The following BCL2 variants were observed in gnomAD, a reference collection of about 807,000 sequenced individuals.
BCL2 encodes apoptosis regulator Bcl-2.
BCL2 carries 1 observed loss-of-function variant against 14.2 expected under a neutral mutation model. That is an observed-to-expected ratio of 0.07 (90% CI 0.02 to 0.33). BCL2 has a LOEUF of 0.33. BCL2 is among the 10% of genes least tolerant of loss of function. The pLI is 0.99. For synonymous variants in BCL2, 151 were observed against 137.2 expected, an observed-to-expected ratio of 1.10 and a Z score of -0.70; for missense variants, 247 against 305.9, an observed-to-expected ratio of 0.81 and a Z score of 1.44.
intron 2 of BCL2, among the ~76,000 whole-genome samples, chr18:63,211,925 C>T (rs1052982514): frequency 3.9e-5 from 6 of 152,190 alleles, no homozygotes; most frequent in Non-Finnish European, 7.3e-5. Context: ...TCAGGTTTCG[C>T]CAGAAATGCA....
intron 2 of BCL2, among the ~76,000 whole-genome samples, chr18:63,307,020 C>CA (rs1288039485): frequency 6.6e-6 from 1 of 152,062 alleles, no homozygotes; most frequent in Non-Finnish European, 1.5e-5. Context: ...GGGCCTGGCT[C>CA]AATATTTTTT....
intron 2 of BCL2, among the ~76,000 whole-genome samples, chr18:63,304,842 A>G (rs1836719764): frequency 6.6e-6 from 1 of 152,250 alleles, no homozygotes; most frequent in Non-Finnish European, 1.5e-5. Context: ...TTTGAAAATA[A>G]TAAATAAGGA....
chr18:63,238,301 C>A (rs987075505), intron 2 of BCL2, among the ~76,000 whole-genome samples: 8 of 152,170 alleles, frequency 5.3e-5, no homozygotes, highest in African/African-American at 1.4e-4. Context: ...TGGGCAGAAA[C>A]CGAGTGAGTT....
At chr18:63,293,960 C>CTTT (rs397698226) in intron 2 of BCL2, among the ~76,000 whole-genome samples, 2 of 147,858 alleles carry the variant, frequency 1.4e-5, no homozygotes, top group Admixed American at 6.7e-5. Context: ...CTTTTTTTCT[C>CTTT]TTTTTTTTTT....
chr18:63,129,214 C>A (rs1174836767), intron 2 of BCL2, among the ~76,000 whole-genome samples: 1 of 152,116 alleles, frequency 6.6e-6, no homozygotes, highest in African/African-American at 2.4e-5. Context: ...ATGACCGTCA[C>A]ACTCCTCGAT....
chr18:63,238,999 C>G (rs535547552), intron 2 of BCL2, among the ~76,000 whole-genome samples: 52 of 152,116 alleles, frequency 3.4e-4, no homozygotes, highest in Non-Finnish European at 6.9e-4. Context: ...CCTGCTACTC[C>G]GGGTAGGGGA....
chr18:63,217,193 T>C (rs1029193495), intron 2 of BCL2, among the ~76,000 whole-genome samples: 5 of 152,220 alleles, frequency 3.3e-5, no homozygotes, highest in African/African-American at 1.2e-4. Flanking sequence ...GTAATGCAAT[T>C]CATGCATTGC....
At chr18:63,210,308 C>T (rs1020519960) in intron 2 of BCL2, among the ~76,000 whole-genome samples, 3 of 152,146 alleles carry the variant, frequency 2.0e-5, no homozygotes, top group African/African-American at 7.2e-5. Context: ...TGGAAGATCT[C>T]AGGGCTCACC....
intron 2 of BCL2, among the ~76,000 whole-genome samples, chr18:63,134,333 CA>C (rs1251961794): frequency 1.3e-5 from 2 of 152,110 alleles, no homozygotes; most frequent in South Asian, 2.1e-4. Context: ...ATTTGACAGA[CA>C]AAAATGCTGG....
At chr18:63,136,090 G>T (rs757625819) in intron 2 of BCL2, among the ~76,000 whole-genome samples, 6 of 152,026 alleles carry the variant, frequency 3.9e-5, no homozygotes, top group Admixed American at 6.6e-5. Flanking sequence ...TCCCTCAGGG[G>T]CACCTCCTCC....
At chr18:63,284,947 G>A (rs1227944933) in intron 2 of BCL2, among the ~76,000 whole-genome samples, 1 of 152,176 alleles carries the variant, frequency 6.6e-6, no homozygotes, top group Non-Finnish European at 1.5e-5. Flanking sequence ...AGCAAGGGCA[G>A]ACGCCAGGAA....
intron 2 of BCL2, among the ~76,000 whole-genome samples, chr18:63,286,335 T>G (rs900132591): frequency 6.6e-6 from 1 of 152,176 alleles, no homozygotes; most frequent in Non-Finnish European, 1.5e-5. Flanking sequence ...TGAATAATTA[T>G]GATACAAAAC....
intron 2 of BCL2, among the ~76,000 whole-genome samples, chr18:63,308,960 A>G (rs2849382): frequency 0.1 from 15,837 of 152,232 alleles, 1,062 homozygotes; most frequent in East Asian, 0.25. Flanking sequence ...GGAAGTCTCA[A>G]TGAGAAAGGA....
Position 63,127,308 on chromosome 18 carries a change from G to A in BCL2, c.*1317C>T, listed in dbSNP as rs979178137. ...CGTGCCATGTGCTACAGCCAAAATG[G>A]GCCGTGGCCATTGCCTCTCCTCACG... On this transcript the variant is annotated 3_prime_UTR_variant, in exon 3 of 3. Transcript: ENST00000333681. The A allele has an allele frequency of 7.8e-5, 18 of 231,762 alleles. No individual in the cohort carries two copies. Among genetic ancestry groups the A allele is most frequent in the East Asian group, 7.3e-4 (12 of 16,504 alleles). 14.4% of individuals were successfully genotyped at this position (231,762 alleles called of 1,614,324 possible). A position where few individuals can be genotyped will look rare whatever the true frequency, so the allele number is the denominator to read the frequency against.
chr18:63,266,626 C>G (rs1263791643), intron 2 of BCL2, among the ~76,000 whole-genome samples: 3 of 150,252 alleles, frequency 2.0e-5, no homozygotes, highest in Admixed American at 6.7e-5. Context: ...CTCTCTCTCT[C>G]TCTCTCTCTC....
Position 63,124,312 on chromosome 18 carries a change from G to A in BCL2, c.*4313C>T, listed in dbSNP as rs886845642. ...AAGGTTGTCATTAAATATCCTGTTA[G>A]TTAAAACTGCACATTTATTGTTTAA... On this transcript the variant is annotated 3_prime_UTR_variant, in exon 3 of 3. Coordinates refer to ENST00000333681, the MANE Select transcript of BCL2 (RefSeq NM_000633.3). 2 of 228,788 alleles carry A rather than the reference G, an allele frequency of 8.7e-6. No individual in the cohort carries two copies. Among genetic ancestry groups the A allele is most frequent in the Non-Finnish European group, 1.7e-5 (2 of 115,324 alleles). 14.2% of individuals were successfully genotyped at this position (228,788 alleles called of 1,614,324 possible). A position where few individuals can be genotyped will look rare whatever the true frequency, so the allele number is the denominator to read the frequency against.
At chr18:63,259,666 C>G (rs1443781002) in intron 2 of BCL2, among the ~76,000 whole-genome samples, 1 of 152,254 alleles carries the variant, frequency 6.6e-6, no homozygotes, top group Non-Finnish European at 1.5e-5. Context: ...ACGTGGTTAT[C>G]AGACGTCTAG....
At position 63,128,073 on chromosome 18, in the gene BCL2, T is replaced by A. The variant is rs577979796; in HGVS notation, c.*552A>T. The A allele has an allele frequency of 1.3e-5, 3 of 226,290 alleles. No homozygotes were observed. Among genetic ancestry groups the A allele is most frequent in the Non-Finnish European group, 2.6e-5 (3 of 113,576 alleles). The allele number at this position is 226,290 out of a possible 1,614,324, so 14.0% of individuals were successfully genotyped here. On this transcript the variant is annotated 3_prime_UTR_variant, in exon 3 of 3. Coordinates refer to ENST00000333681, the MANE Select transcript of BCL2 (RefSeq NM_000633.3). ...GTCTCTTCTTCAGGCCAGGGAGGCA[T>A]GGACTTCCCCCCACAGGAACCCTCC...
chr18:63,232,144 C>G (rs913092594), intron 2 of BCL2, among the ~76,000 whole-genome samples: 3 of 151,780 alleles, frequency 2.0e-5, no homozygotes, highest in African/African-American at 7.3e-5. Flanking sequence ...CTAACTCACA[C>G]TATATCCAAA....
Sources: allele counts gnomAD v4.1 joint callset (sites outside exome capture counted in the v4.1 genomes callset), GRCh38; gene constraint gnomAD v4.1.1; transcripts MANE v1.5; gene names NCBI Gene and HGNC (gene_info 2026-07-23, HGNC 2026-07-21).